Variants in GNE observed in about 807,000 individuals in gnomAD.
The protein encoded by GNE is glucosamine (UDP-N-acetyl)-2-epimerase/N-acetylmannosamine kinase.
GNE carries 41 observed loss-of-function variants against 61.8 expected under a neutral mutation model. The ratio of observed to expected loss-of-function variants is 0.66; its 90% CI spans 0.52 to 0.86. GNE has a LOEUF of 0.86. GNE is among the 40% of genes least tolerant of loss of function. The probability of loss-of-function intolerance (pLI) is 0.00; values close to 1 mark genes in which losing one functional copy is unlikely to be tolerated. For missense variants in GNE, 608 were observed against 909.1 expected, an observed-to-expected ratio of 0.67 and a Z score of 4.26; for synonymous variants, 264 against 326.4, an observed-to-expected ratio of 0.81 and a Z score of 2.06.
chr9:36,261,426 G>A (rs531489948), upstream of GNE, among the ~76,000 whole-genome samples: 19 of 152,104 alleles, frequency 1.2e-4, no homozygotes, highest in South Asian at 2.7e-3. Context: ...GGTGGCGCAC[G>A]CCTGTAGTCC....
intron 1 of GNE, among the ~76,000 whole-genome samples, chr9:36,270,329 C>T (rs1398901789): frequency 6.6e-6 from 1 of 151,692 alleles, no homozygotes; most frequent in East Asian, 1.9e-4. Flanking sequence ...TTTTATATAC[C>T]TAAAATCAAT....
intron 1 of GNE, among the ~76,000 whole-genome samples, chr9:36,276,412 T>A (rs1310868630): frequency 6.6e-6 from 1 of 152,204 alleles, no homozygotes; most frequent in Non-Finnish European, 1.5e-5. Flanking sequence ...ACTTAGATAC[T>A]AATTAACTTG....
chr9:36,260,429 T>C (rs599054), upstream of GNE, among the ~76,000 whole-genome samples: 609 of 152,186 alleles, frequency 4.0e-3, 2 homozygotes, highest in African/African-American at 0.014. Context: ...ATTTAGGGCA[T>C]GTTATGATTG....
intron 6 of GNE, among the ~76,000 whole-genome samples, 161 bp downstream of exon 6, chr9:36,228,860 T>G (rs1009881567): frequency 6.7e-6 from 1 of 149,394 alleles, no homozygotes; most frequent in African/African-American, 2.5e-5. Context: ...ACAGTAATAA[T>G]GGGTATGATA....
At chr9:36,231,379 A>G (rs1475480347) in intron 5 of GNE, among the ~76,000 whole-genome samples, 2 of 152,196 alleles carry the variant, frequency 1.3e-5, no homozygotes, top group African/African-American at 4.8e-5. Flanking sequence ...CAGGAATTCA[A>G]GGTTACGATG....
chr9:36,248,538 G>C (rs1244288445), intron 2 of GNE, among the ~76,000 whole-genome samples: 1 of 150,878 alleles, frequency 6.6e-6, no homozygotes, highest in Non-Finnish European at 1.5e-5. Context: ...TGGCCAGGCT[G>C]GTCTCAAATT....
upstream of GNE, among the ~76,000 whole-genome samples, chr9:36,260,612 G>A (rs1347509488): frequency 6.6e-6 from 1 of 152,092 alleles, no homozygotes; most frequent in African/African-American, 2.4e-5. Context: ...GCTCACGCCT[G>A]TAATCCTAGC....
At chr9:36,232,337 C>A (rs1040759007) in intron 5 of GNE, among the ~76,000 whole-genome samples, 13 of 99,882 alleles carry the variant, frequency 1.3e-4, no homozygotes, top group African/African-American at 5.8e-4. Context: ...TGCCCCCCCG[C>A]CCCCCCTCCC....
chr9:36,237,341 A>G (rs762297727), intron 3 of GNE, among the ~76,000 whole-genome samples: 3 of 152,234 alleles, frequency 2.0e-5, no homozygotes, highest in Admixed American at 1.3e-4. Context: ...AGCAATATCA[A>G]TGAATAATAA....
Position 36,223,064 on chromosome 9 carries a change from T to C in GNE, c.1412-66A>G, listed in dbSNP as rs554848621. 2.0e-4 allele frequency: 295 copies of C among 1,448,134 alleles called. 2 individuals carry two copies. The South Asian group carries it at 3.0e-3, about 15-fold the overall frequency. 89.7% of individuals were successfully genotyped at this position (1,448,134 alleles called of 1,614,324 possible). ...CAATCTCAGGAAAGTATGCTGACTT[T>C]CTTGTCTTAAGAACACAGATTCATT... On this transcript the variant is annotated intron_variant, in intron 8 of 11. Coordinates refer to ENST00000642385, the MANE Select transcript of GNE (RefSeq NM_005476.7).
intron 1 of GNE, among the ~76,000 whole-genome samples, chr9:36,253,098 C>G (rs1247984659): frequency 1.3e-5 from 2 of 151,906 alleles, no homozygotes; most frequent in African/African-American, 4.8e-5. Context: ...TGAGGCGGAG[C>G]TTGCGGTGAG....
chr9:36,223,063 TTCTTG>T (rs1295610658), intron 8 of GNE, 65 bp from the exon 9 acceptor site: 18 of 1,452,212 alleles, frequency 1.2e-5, no homozygotes, highest in Non-Finnish European at 1.6e-5. Context: ...TATGCTGACT[TTCTTG>T]TCTTAAGAAC....
intron 1 of GNE, among the ~76,000 whole-genome samples, chr9:36,275,394 T>TA (rs1831223978): frequency 6.6e-6 from 1 of 152,150 alleles, no homozygotes; most frequent in African/African-American, 2.4e-5. Flanking sequence ...GAGAATAGCA[T>TA]ACAGGGGAGA....
In GNE at chr9:36,216,061, C is replaced by G; in HGVS notation, c.*1304G>C. 1.6e-5 allele frequency: 5 copies of G among 311,148 alleles called. No individual in the cohort carries two copies. Among genetic ancestry groups the G allele is most frequent in the Non-Finnish European group, 3.2e-5 (5 of 154,454 alleles). The allele number at this position is 311,148 out of a possible 1,614,324, so 19.3% of individuals were successfully genotyped here. ...CCTGGTCTAAAGTCTCTTGTAAGTT[C>G]AGCTAGAGTAATAACATCTTTCAAC... On this transcript the variant is annotated 3_prime_UTR_variant, in exon 12 of 12. Transcript: ENST00000642385.
rs1346923838 is a variant in GNE at position 36,215,126 on chromosome 9, AC to A, written c.*2238del. On this transcript the variant is annotated 3_prime_UTR_variant, in exon 12 of 12. Transcript: ENST00000642385. ...GATCACCTGAGGTCAGGAGTTCAAG[AC>A]CAGCCTGGCCAACATGGTGAAACCC... 1 of 151,990 alleles carries A rather than the reference AC, an allele frequency of 6.6e-6. No homozygotes were observed. The highest frequency in any genetic ancestry group is 1.5e-5 in the Non-Finnish European group (1 of 68,016). 9.4% of individuals were successfully genotyped at this position (151,990 alleles called of 1,614,324 possible).
At chr9:36,231,086 AAAG>A (rs1357006673) in intron 5 of GNE, among the ~76,000 whole-genome samples, 1 of 125,280 alleles carries the variant, frequency 8.0e-6, no homozygotes, top group Admixed American at 7.9e-5. Flanking sequence ...AAAAAAAAAG[AAAG>A]AAAGAGAGAG....
intron 1 of GNE, among the ~76,000 whole-genome samples, chr9:36,266,454 C>T (rs1286537362): frequency 6.6e-6 from 1 of 152,166 alleles, no homozygotes; most frequent in Non-Finnish European, 1.5e-5. Flanking sequence ...TCTTTTCTCC[C>T]AGGAAAAGCA....
At chr9:36,266,765 C>T (rs1378313836) in intron 1 of GNE, among the ~76,000 whole-genome samples, 1 of 152,128 alleles carries the variant, frequency 6.6e-6, no homozygotes, top group Non-Finnish European at 1.5e-5. Flanking sequence ...AAAAATTAGC[C>T]GGGCGTGGTG....
At chr9:36,223,633 G>A in intron 7 of GNE, 131 bp from the exon 8 acceptor site, 1 of 920,538 alleles carries the variant, frequency 1.1e-6, no homozygotes, top group Non-Finnish European at 1.7e-6. Flanking sequence ...GACTGCTTGG[G>A]GAAGGACCCA....
Sources: gnomAD v4.1 joint callset for allele counts (sites outside exome capture counted in the v4.1 genomes callset) on GRCh38, gnomAD v4.1.1 for gene constraint, MANE v1.5 for transcripts, NCBI Gene and HGNC (gene_info 2026-07-23, HGNC 2026-07-21) for gene names.